The following DGKI variants were observed in gnomAD, a reference collection of about 807,000 sequenced individuals.
DGKI encodes the protein diacylglycerol kinase iota.
DGKI carries 55 observed loss-of-function variants against 147.5 expected under a neutral mutation model. That is an observed-to-expected ratio of 0.37 (90% CI 0.30 to 0.47). DGKI has a LOEUF of 0.47. Among genes scored for constraint, DGKI ranks in the 20% least tolerant of loss-of-function variants. The pLI is 1.00. For synonymous variants in DGKI, 469 were observed against 477.1 expected (o/e 0.98, Z 0.22); for missense variants, 1,007 against 1,323.8 (o/e 0.76, Z 3.71).
At chr7:137,403,651 C>T (rs1811844251) in intron 30 of DGKI, among the ~76,000 whole-genome samples, 2 of 152,132 alleles carry the variant, frequency 1.3e-5, no homozygotes, top group Admixed American at 6.6e-5. Flanking sequence ...TTCAGAATTG[C>T]TATTACTAAA....
At chr7:137,577,619 G>T (rs1364930200) in intron 16 of DGKI, among the ~76,000 whole-genome samples, 1 of 152,166 alleles carries the variant, frequency 6.6e-6, no homozygotes, top group East Asian at 1.9e-4. Context: ...TTTCCACTAA[G>T]ATTTCCTTAT....
intron 20 of DGKI, among the ~76,000 whole-genome samples, chr7:137,549,540 G>A (rs1817976807): frequency 1.3e-5 from 2 of 152,134 alleles, no homozygotes; most frequent in African/African-American, 2.4e-5. Context: ...AGATATTTTC[G>A]ACTAGTTCTC....
chr7:137,391,918 G>T (rs1737573309), intron 32 of DGKI, among the ~76,000 whole-genome samples: 1 of 152,114 alleles, frequency 6.6e-6, no homozygotes, highest in South Asian at 2.1e-4. Context: ...AAAAGTGGTA[G>T]ATATTGATTA....
intron 6 of DGKI, among the ~76,000 whole-genome samples, chr7:137,638,567 CACATAT>C (rs1563125674): frequency 6.0e-5 from 2 of 33,118 alleles, no homozygotes; most frequent in Non-Finnish European, 1.3e-4. Flanking sequence ...TATATATACA[CACATAT>C]ATGTATATAT....
At chr7:137,764,657 G>A (rs190577694) in intron 1 of DGKI, among the ~76,000 whole-genome samples, 107 of 152,256 alleles carry the variant, frequency 7.0e-4, no homozygotes, top group Admixed American at 5.9e-3. Flanking sequence ...TTTGTCTAGG[G>A]TACCTGCAAC....
intron 3 of DGKI, among the ~76,000 whole-genome samples, chr7:137,660,481 C>A (rs1822385277): frequency 1.3e-5 from 2 of 152,184 alleles, no homozygotes. Context: ...CAGCTCTCCA[C>A]CAATCTTCAG....
chr7:137,464,256 CAAAA>C (rs58290482), intron 26 of DGKI, among the ~76,000 whole-genome samples: 1 of 47,752 alleles, frequency 2.1e-5, no homozygotes, highest in Admixed American at 2.6e-4. Context: ...GACTCCATCT[CAAAA>C]AAAAAAAAAA....
intron 10 of DGKI, among the ~76,000 whole-genome samples, chr7:137,606,003 A>T (rs1820173063): frequency 6.6e-6 from 1 of 152,242 alleles, no homozygotes; most frequent in African/African-American, 2.4e-5. Flanking sequence ...GAGGTGATAG[A>T]TGTGCTAAAT....
chr7:137,555,929 A>T (rs1165159977), intron 19 of DGKI, among the ~76,000 whole-genome samples: 1 of 151,624 alleles, frequency 6.6e-6, no homozygotes, highest in Non-Finnish European at 1.5e-5. Flanking sequence ...AAAACAAAAA[A>T]TTTTATCCTA....
chr7:137,566,566 A>T (rs1818593110), intron 19 of DGKI, among the ~76,000 whole-genome samples: 1 of 152,208 alleles, frequency 6.6e-6, no homozygotes, highest in Admixed American at 6.5e-5. Context: ...GGAATCTGAG[A>T]TTCAATCATG....
chr7:137,742,710 A>G (rs1422338247), intron 1 of DGKI, among the ~76,000 whole-genome samples: 1 of 150,682 alleles, frequency 6.6e-6, no homozygotes, highest in East Asian at 1.9e-4. Context: ...CAAGAAAGGT[A>G]CTCAGCTACC....
At chr7:137,623,669 C>T in intron 6 of DGKI, 115 bp from the exon 7 acceptor site, 14 of 822,096 alleles carry the variant, frequency 1.7e-5, no homozygotes, top group Non-Finnish European at 2.9e-5. Flanking sequence ...CTGTCACCCA[C>T]CACTGGAGGT....
intron 27 of DGKI, among the ~76,000 whole-genome samples, chr7:137,459,058 T>C (rs1306835481): frequency 1.3e-5 from 2 of 152,214 alleles, no homozygotes; most frequent in Admixed American, 6.5e-5. Context: ...GTCTTTCCTA[T>C]AGGATCTGCA....
chr7:137,659,815 C>T (rs940704430), intron 3 of DGKI, among the ~76,000 whole-genome samples: 3 of 152,166 alleles, frequency 2.0e-5, no homozygotes, highest in African/African-American at 7.2e-5. Context: ...CACCTGTAGT[C>T]CCAGCTACTC....
chr7:137,652,087 T>C (rs1822046895), intron 5 of DGKI, among the ~76,000 whole-genome samples: 1 of 152,124 alleles, frequency 6.6e-6, no homozygotes, highest in African/African-American at 2.4e-5. Flanking sequence ...ATTAGAGCAG[T>C]AGGTAAGACA....
intron 30 of DGKI, 109 bp from the exon 31 acceptor site, chr7:137,397,522 G>T: frequency 9.7e-7 from 1 of 1,029,398 alleles, no homozygotes; most frequent in Non-Finnish European, 1.5e-6. Context: ...TAAATTTGGG[G>T]ATAGGAATAA....
rs1382885025 is a variant in DGKI at position 137,841,222 on chromosome 7, G to C, written c.401+5240C>G. ...CGCTTTTGAGCTCATACCAATCGAGGAGTTTTCCTGGTGAACAAGCCAGCA... is the reference window on the plus strand; with the variant it reads ...CGCTTTTGAGCTCATACCAATCGAGCAGTTTTCCTGGTGAACAAGCCAGCA... On this transcript the variant is annotated intron_variant, in intron 1 of 32. Coordinates refer to ENST00000614521, the MANE Select transcript of DGKI (RefSeq NM_001321708.2). Among the ~76,000 whole-genome samples, 3 of 152,178 alleles carry C rather than the reference G, an allele frequency of 2.0e-5. No individual in the cohort carries two copies. In the East Asian group the frequency reaches 5.8e-4, roughly 29 times the overall value.
intron 20 of DGKI, among the ~76,000 whole-genome samples, chr7:137,540,761 C>CAAAAAAAAAAA (rs1563075671): frequency 1.1e-4 from 4 of 35,520 alleles, no homozygotes; most frequent in East Asian, 8.9e-4. Context: ...AAAAACCCCC[C>CAAAAAAAAAAA]CAAAAAAAAA....
intron 20 of DGKI, among the ~76,000 whole-genome samples, chr7:137,528,920 C>T (rs984080905): frequency 3.3e-5 from 5 of 152,108 alleles, no homozygotes; most frequent in Non-Finnish European, 7.4e-5. Context: ...AGGGAATTGG[C>T]TTTTAAGTTA....
Sources: gnomAD v4.1 joint callset for allele counts (sites outside exome capture counted in the v4.1 genomes callset) on GRCh38, gnomAD v4.1.1 for gene constraint, MANE v1.5 for transcripts, NCBI Gene and HGNC (gene_info 2026-07-23, HGNC 2026-07-21) for gene names.